PRKCE: variants seen among roughly 807,000 people sequenced by gnomAD.
PRKCE encodes the protein protein kinase C epsilon type.
A neutral mutation model predicts 85.4 loss-of-function variants in PRKCE; 16 were observed. The observed-to-expected ratio is 0.19, with a 90% confidence interval of 0.13 to 0.28. The LOEUF (loss-of-function observed/expected upper bound fraction) is 0.28. Ranked by LOEUF, PRKCE falls within the 10% of genes least tolerant of loss-of-function variation. The probability of loss-of-function intolerance (pLI) is 1.00; values close to 1 mark genes in which losing one functional copy is unlikely to be tolerated. For missense variants in PRKCE, 573 were observed against 975.2 expected (o/e 0.59, Z 5.49); for synonymous variants, 388 against 371.5 (o/e 1.04, Z -0.51).
intron 2 of PRKCE, among the ~76,000 whole-genome samples, chr2:45,850,413 A>C (rs1043418939): frequency 6.6e-6 from 1 of 152,202 alleles, no homozygotes; most frequent in South Asian, 2.1e-4. Context: ...CCTATAAAGA[A>C]GATTGTTTCT....
intron 1 of PRKCE, among the ~76,000 whole-genome samples, chr2:45,834,222 C>G (rs1012885802): frequency 6.6e-6 from 1 of 152,214 alleles, no homozygotes; most frequent in African/African-American, 2.4e-5. Flanking sequence ...CTGCTGCTAA[C>G]TTGGTTCCCA....
chr2:46,112,990 G>T, intron 11 of PRKCE, among the ~76,000 whole-genome samples: 1 of 152,084 alleles, frequency 6.6e-6, no homozygotes, highest in Non-Finnish European at 1.5e-5. Flanking sequence ...TATTGTCATA[G>T]TACCCTCCTC....
chr2:45,885,382 G>T (rs778001260), intron 2 of PRKCE, among the ~76,000 whole-genome samples: 27 of 152,204 alleles, frequency 1.8e-4, no homozygotes, highest in African/African-American at 1.4e-4. Context: ...TCTTCAGAAG[G>T]CCTGGCTTTC....
At chr2:45,794,624 C>T (rs1303687832) in intron 1 of PRKCE, among the ~76,000 whole-genome samples, 1 of 152,066 alleles carries the variant, frequency 6.6e-6, no homozygotes, top group Non-Finnish European at 1.5e-5. Flanking sequence ...CTGACAGCCC[C>T]GTCTCTGGAG....
At chr2:46,023,757 G>T (rs1706877040) in intron 10 of PRKCE, among the ~76,000 whole-genome samples, 1 of 152,130 alleles carries the variant, frequency 6.6e-6, no homozygotes, top group South Asian at 2.1e-4. Flanking sequence ...ACAGAACTGT[G>T]CCCCCCACTG....
chr2:45,873,447 G>A (rs1278560046), intron 2 of PRKCE, among the ~76,000 whole-genome samples: 1 of 118,388 alleles, frequency 8.4e-6, no homozygotes, highest in African/African-American at 3.3e-5. Flanking sequence ...CACATAGATA[G>A]TAGACTGCAA....
At chr2:46,019,233 T>C (rs1208850386) in intron 10 of PRKCE, among the ~76,000 whole-genome samples, 2 of 152,206 alleles carry the variant, frequency 1.3e-5, no homozygotes, top group Non-Finnish European at 2.9e-5. Context: ...GTTTGTACTT[T>C]CTCCCCATGC....
intron 1 of PRKCE, among the ~76,000 whole-genome samples, chr2:45,816,775 G>A (rs934991260): frequency 1.3e-5 from 2 of 152,084 alleles, no homozygotes; most frequent in Non-Finnish European, 2.9e-5. Flanking sequence ...TCACTGCCCT[G>A]TTACCTCCTC....
chr2:46,113,587 A>G (rs571787192), intron 11 of PRKCE, among the ~76,000 whole-genome samples: 38 of 152,340 alleles, frequency 2.5e-4, no homozygotes, highest in Non-Finnish European at 3.5e-4. Context: ...GAGGCTGCAT[A>G]TAAGAATTAA....
chr2:45,783,510 A>G (rs1161678827), intron 1 of PRKCE, among the ~76,000 whole-genome samples: 2 of 152,228 alleles, frequency 1.3e-5, no homozygotes, highest in African/African-American at 4.8e-5. Context: ...GCTGGGTTTC[A>G]GCATTTCCCT....
chr2:45,944,922 A>C (rs1314223831), intron 2 of PRKCE, among the ~76,000 whole-genome samples: 2 of 152,128 alleles, frequency 1.3e-5, no homozygotes, highest in African/African-American at 2.4e-5. Flanking sequence ...AGGTGGCCCT[A>C]GGTAGAGTGG....
chr2:45,918,116 G>T (rs974440443), intron 2 of PRKCE, among the ~76,000 whole-genome samples: 1 of 152,270 alleles, frequency 6.6e-6, no homozygotes, highest in Non-Finnish European at 1.5e-5. Flanking sequence ...CCAGAAAGGG[G>T]CTCCCAGAGT....
intron 10 of PRKCE, among the ~76,000 whole-genome samples, chr2:46,019,505 T>A (rs1475849282): frequency 6.6e-6 from 1 of 152,224 alleles, no homozygotes; most frequent in East Asian, 1.9e-4. Context: ...TTCTTAAACA[T>A]ATGTATAGCT....
chr2:45,978,915 G>C (rs1247102785), intron 3 of PRKCE, 61 bp from the exon 4 acceptor site: 41 of 1,538,672 alleles, frequency 2.7e-5, no homozygotes, highest in Non-Finnish European at 3.5e-5. Flanking sequence ...TGGTTTTTCT[G>C]TTTGTTTTTT....
intron 1 of PRKCE, among the ~76,000 whole-genome samples, chr2:45,790,563 G>A (rs191862092): frequency 2.4e-4 from 37 of 152,342 alleles, no homozygotes; most frequent in Non-Finnish European, 4.9e-4. Flanking sequence ...GAAATACAAT[G>A]AGAGGAAATG....
intron 11 of PRKCE, among the ~76,000 whole-genome samples, chr2:46,091,624 G>A (rs1451251057): frequency 6.6e-6 from 1 of 152,194 alleles, no homozygotes; most frequent in Non-Finnish European, 1.5e-5. Context: ...TTTTCTGCCT[G>A]CATCCTCATC....
At chr2:45,736,846 A>G (rs1399268681) in intron 1 of PRKCE, among the ~76,000 whole-genome samples, 1 of 152,198 alleles carries the variant, frequency 6.6e-6, no homozygotes, top group Non-Finnish European at 1.5e-5. Context: ...GCATCCTCAG[A>G]GGCTTCAGAA....
At position 46,001,615 on chromosome 2, in the gene PRKCE, G is replaced by C; in HGVS notation, c.966+69G>C. The C allele has an allele frequency of 2.0e-6, 3 of 1,511,296 alleles. No individual in the cohort carries two copies. Among genetic ancestry groups the C allele is most frequent in the Non-Finnish European group, 2.7e-6 (3 of 1,123,450 alleles). 93.6% of individuals were successfully genotyped at this position (1,511,296 alleles called of 1,614,324 possible). A position where few individuals can be genotyped will look rare whatever the true frequency, so the allele number is the denominator to read the frequency against. On this transcript the variant is annotated intron_variant, in intron 7 of 14. Transcript: ENST00000306156. This position sits in a 1 kb window ranked among gnomAD's most constrained non-coding sequence, Gnocchi z 4.4. ...AGCATTTCTGTGCTGACTTCCAGAG[G>C]GTGCTCTGGAGTGAGGTAATAAGAT...
intron 10 of PRKCE, among the ~76,000 whole-genome samples, chr2:46,080,111 T>C (rs978060508): frequency 6.6e-6 from 1 of 152,246 alleles, no homozygotes; most frequent in African/African-American, 2.4e-5. Flanking sequence ...TGTTTTGTTT[T>C]CTACCCATGC....
Sources: allele counts gnomAD v4.1 joint callset (sites outside exome capture counted in the v4.1 genomes callset), GRCh38; gene constraint gnomAD v4.1.1; non-coding constraint Gnocchi (gnomAD v3.1); transcripts MANE v1.5; gene names NCBI Gene and HGNC (gene_info 2026-07-23, HGNC 2026-07-21).